PPP4R4: variants seen among roughly 807,000 people sequenced by gnomAD.
The protein encoded by PPP4R4 is serine/threonine-protein phosphatase 4 regulatory subunit 4.
Under a neutral mutation model 121.8 loss-of-function variants are expected in PPP4R4, and 70 were observed. The observed-to-expected ratio is 0.57, with a 90% CI of 0.47 to 0.70. PPP4R4 has a LOEUF of 0.70. Ranked by LOEUF, PPP4R4 falls within the 30% of genes least tolerant of loss-of-function variation. The pLI is 0.00. For synonymous variants in PPP4R4, 348 were observed against 355.7 expected (o/e 0.98, Z 0.24); for missense variants, 875 against 1,033.6 (o/e 0.85, Z 2.10).
At chr14:94,240,254 A>G (rs1482709494) in intron 8 of PPP4R4, among the ~76,000 whole-genome samples, 3 of 152,212 alleles carry the variant, frequency 2.0e-5, no homozygotes, top group Non-Finnish European at 4.4e-5. Context: ...ATGAAATGAT[A>G]AAATGGGCTT....
chr14:94,240,788 A>T lies in PPP4R4; in HGVS notation c.969A>T (p.Gly323=). 1.9e-6 allele frequency: 3 copies of T among 1,590,804 alleles called. No individual in the cohort carries two copies. Among genetic ancestry groups the T allele is most frequent in the Non-Finnish European group, 2.6e-6 (3 of 1,171,966 alleles). ...LSFHLGKLCH[G]LYGIFTPDQH... is the part of the protein sequence containing the mutation. Reference sequence around the variant, plus strand: ...TCCATTTAGGAAAACTATGTCATGGACTATATGGTATGATATATCCTAAGA... The same window carrying T: ...TCCATTTAGGAAAACTATGTCATGGTCTATATGGTATGATATATCCTAAGA... The change falls in exon 9 of 25, where the codon GGA becomes GGT. Residue 323 remains glycine, a synonymous_variant. Coordinates refer to ENST00000304338, the MANE Select transcript of PPP4R4 (RefSeq NM_058237.2).
intron 2 of PPP4R4, among the ~76,000 whole-genome samples, chr14:94,189,845 T>C (rs142638348): frequency 1.6e-3 from 237 of 152,352 alleles, no homozygotes; most frequent in African/African-American, 5.0e-3. Context: ...ACAGTCTTTA[T>C]TGTCTGACAC....
At chr14:94,174,632 C>T (rs1424574508) in intron 1 of PPP4R4, 50 bp downstream of exon 1, 2 of 1,594,334 alleles carry the variant, frequency 1.3e-6, no homozygotes, top group South Asian at 1.1e-5. Context: ...CCGCCTGCCC[C>T]GCGCGGTCCC....
chr14:94,198,828 C>T (rs140053626), intron 2 of PPP4R4, among the ~76,000 whole-genome samples: 1 of 152,140 alleles, frequency 6.6e-6, no homozygotes, highest in East Asian at 1.9e-4. Flanking sequence ...AACTCAATTG[C>T]GCATTTATGT....
chr14:94,260,625 T>C (rs1198253930), intron 19 of PPP4R4, among the ~76,000 whole-genome samples: 1 of 152,174 alleles, frequency 6.6e-6, no homozygotes, highest in Non-Finnish European at 1.5e-5. Flanking sequence ...TGGCCATCTT[T>C]ATCTCTTATT....
chr14:94,190,048 C>CTT (rs34015633), intron 2 of PPP4R4, among the ~76,000 whole-genome samples: 37 of 143,412 alleles, frequency 2.6e-4, no homozygotes, highest in African/African-American at 9.2e-4. Context: ...TTGCTTTTAT[C>CTT]TTTTTTTTTT....
chr14:94,209,105 T>C (rs558068742), intron 3 of PPP4R4, among the ~76,000 whole-genome samples: 1 of 152,018 alleles, frequency 6.6e-6, no homozygotes, highest in South Asian at 2.1e-4. Context: ...TTCTTTCTTC[T>C]GACTAATATT....
At position 94,203,931 on chromosome 14, in the gene PPP4R4, C is replaced by T. The variant is rs188005761; in HGVS notation, c.192-4533C>T. Among the ~76,000 whole-genome samples, 370 of 152,174 alleles carry T rather than the reference C, an allele frequency of 2.4e-3. 1 individual carries two copies. The highest frequency in any genetic ancestry group is 1.3e-3 in the Non-Finnish European group (90 of 68,002). On this transcript the variant is annotated intron_variant, in intron 2 of 24. Coordinates refer to ENST00000304338, the MANE Select transcript of PPP4R4 (RefSeq NM_058237.2). Reference sequence around the variant, plus strand: ...GTTTTGAGAGTTCTTTATATGGTCTCGACACTAGCCCTTTTTCAAACATTC... The same window carrying T: ...GTTTTGAGAGTTCTTTATATGGTCTTGACACTAGCCCTTTTTCAAACATTC...
At chr14:94,245,532 A>C in intron 12 of PPP4R4, 55 bp from the exon 13 acceptor site, 1 of 927,422 alleles carries the variant, frequency 1.1e-6, no homozygotes, top group Non-Finnish European at 1.6e-6. Flanking sequence ...ATGTAGAATT[A>C]ATCTAGCAAA....
intron 1 of PPP4R4, 88 bp from the exon 2 acceptor site, chr14:94,175,966 T>C (rs1888658658): frequency 9.9e-7 from 1 of 1,006,736 alleles, no homozygotes; most frequent in South Asian, 1.3e-5. Flanking sequence ...TTTTCATTCG[T>C]TTATCCTCAT....
At chr14:94,201,528 G>C (rs1210160777) in intron 2 of PPP4R4, among the ~76,000 whole-genome samples, 3 of 152,102 alleles carry the variant, frequency 2.0e-5, no homozygotes, top group Non-Finnish European at 4.4e-5. Context: ...TTAGGATTGT[G>C]ATATTTCACT....
chr14:94,234,602 C>G lies in PPP4R4; in HGVS notation c.664C>G (p.Gln222Glu), dbSNP rs762573117. The change falls in exon 7 of 25, where the codon CAA (glutamine) becomes GAA (glutamate). Residue 222 changes from glutamine (Q) to glutamate (E), a missense_variant. Physicochemically the swap from Gln to Glu is conservative, Grantham distance 29 (BLOSUM62 2). Coordinates refer to ENST00000304338, the MANE Select transcript of PPP4R4 (RefSeq NM_058237.2). ...ACTTCCTCTGGTAAAATCACTCTGT[C>G]AAGATGTAGAATATGAAGTTCGATC... Reference protein sequence around the residue: ...EILPLVKSLCQDVEYEVRSCM... With the variant: ...EILPLVKSLCEDVEYEVRSCM... 6.2e-7 allele frequency: 1 copy of G among 1,609,176 alleles called. No individual in the cohort carries two copies. The highest frequency in any genetic ancestry group is 8.5e-7 in the Non-Finnish European group (1 of 1,176,094).
At chr14:94,215,159 T>A (rs1890954559) in intron 3 of PPP4R4, among the ~76,000 whole-genome samples, 1 of 152,206 alleles carries the variant, frequency 6.6e-6, no homozygotes, top group Non-Finnish European at 1.5e-5. Context: ...ATGCTTTAGA[T>A]ATATCCTTAA....
chr14:94,187,726 T>A (rs1226070485), intron 2 of PPP4R4, among the ~76,000 whole-genome samples: 1 of 152,204 alleles, frequency 6.6e-6, no homozygotes, highest in African/African-American at 2.4e-5. Context: ...GACGCTTTCT[T>A]CACTTTTCCT....
At chr14:94,236,044 A>G (rs1892329469) in intron 7 of PPP4R4, among the ~76,000 whole-genome samples, 1 of 152,130 alleles carries the variant, frequency 6.6e-6, no homozygotes, top group Non-Finnish European at 1.5e-5. Context: ...CACACAGGGT[A>G]TGGTAGAGTG....
chr14:94,232,031 T>C (rs757228958), intron 5 of PPP4R4, among the ~76,000 whole-genome samples: 6 of 152,178 alleles, frequency 3.9e-5, no homozygotes, highest in Non-Finnish European at 8.8e-5. Flanking sequence ...TTAATCACTA[T>C]TTATATGTGC....
chr14:94,233,376 TCTA>T (rs1892157775), intron 5 of PPP4R4, among the ~76,000 whole-genome samples: 1 of 152,238 alleles, frequency 6.6e-6, no homozygotes, highest in South Asian at 2.1e-4. Flanking sequence ...ATTTCAAAAT[TCTA>T]CTTTTATCTG....
At chr14:94,193,283 T>C (rs1350377286) in intron 2 of PPP4R4, among the ~76,000 whole-genome samples, 1 of 152,132 alleles carries the variant, frequency 6.6e-6, no homozygotes, top group East Asian at 1.9e-4. Context: ...TGTTTGGTAT[T>C]GTCTGGATGC....
At chr14:94,191,630 A>C (rs1185315279) in intron 2 of PPP4R4, among the ~76,000 whole-genome samples, 1 of 152,168 alleles carries the variant, frequency 6.6e-6, no homozygotes, top group Non-Finnish European at 1.5e-5. Context: ...TTGAAGAGCC[A>C]CTCAAAAGGC....
Sources: gnomAD v4.1 joint callset for allele counts (sites outside exome capture counted in the v4.1 genomes callset) on GRCh38, gnomAD v4.1.1 for gene constraint, MANE v1.5 for transcripts, NCBI Gene and HGNC (gene_info 2026-07-23, HGNC 2026-07-21) for gene names.